The following KIAA1549 variants were observed in gnomAD, a reference collection of about 807,000 sequenced individuals.
The protein encoded by KIAA1549 is KIAA1549.
A neutral mutation model predicts 156.4 loss-of-function variants in KIAA1549; 70 were observed. The observed-to-expected ratio is 0.45, with a 90% confidence interval of 0.37 to 0.55. The LOEUF is 0.55. Ranked by LOEUF, KIAA1549 falls within the 20% of genes least tolerant of loss-of-function variation. The pLI is 0.00. For synonymous variants in KIAA1549, 1,103 were observed against 1,066.4 expected, an observed-to-expected ratio of 1.03 and a Z score of -0.67; for missense variants, 2,428 against 2,540.9, an observed-to-expected ratio of 0.96 and a Z score of 0.96.
Position 138,935,498 on chromosome 7 carries a change from C to T in KIAA1549, c.188-16060G>A, listed in dbSNP as rs116530496. 4.5e-3 allele frequency among the ~76,000 whole-genome samples: 686 copies of T among 152,152 alleles called. 2 individuals carry two copies. Among genetic ancestry groups the T allele is most frequent in the African/African-American group, 0.016 (644 of 41,460 alleles). ...ACAAAGGCAAAAAAATTTCTGTCAG[C>T]CATCTGTTTCTAAAATAATTTAATT... On this transcript the variant is annotated intron_variant, in intron 1 of 19. Coordinates refer to ENST00000422774, the MANE Select transcript of KIAA1549 (RefSeq NM_001164665.2).
intron 12 of KIAA1549, among the ~76,000 whole-genome samples, chr7:138,876,691 T>G (rs1045191419): frequency 1.3e-5 from 2 of 152,222 alleles, no homozygotes; most frequent in Admixed American, 1.3e-4. Context: ...ACTACAATTA[T>G]GCACAGACGC....
chr7:138,946,956 G>A (rs771809321), intron 1 of KIAA1549, among the ~76,000 whole-genome samples: 2 of 152,190 alleles, frequency 1.3e-5, no homozygotes, highest in Non-Finnish European at 2.9e-5. Flanking sequence ...AGGCTGATGG[G>A]AGCAGGTAAA....
chr7:138,882,008 C>T (rs1198333125), intron 10 of KIAA1549, among the ~76,000 whole-genome samples: 1 of 152,138 alleles, frequency 6.6e-6, no homozygotes, highest in Non-Finnish European at 1.5e-5. Context: ...GGGAAGAAAT[C>T]ACATTGGCTA....
intron 10 of KIAA1549, among the ~76,000 whole-genome samples, chr7:138,887,182 T>C (rs1302324782): frequency 1.3e-5 from 2 of 152,070 alleles, no homozygotes; most frequent in African/African-American, 4.8e-5. Context: ...AGTGCTGGCA[T>C]TACAGGCATG....
At chr7:138,861,952 T>G (rs1035835906) in intron 15 of KIAA1549, among the ~76,000 whole-genome samples, 1 of 152,086 alleles carries the variant, frequency 6.6e-6, no homozygotes, top group Non-Finnish European at 1.5e-5. Context: ...AGAAAAAAAC[T>G]GCCAAAATTC....
intron 15 of KIAA1549, 103 bp from the exon 16 acceptor site, chr7:138,861,559 A>T: frequency 4.0e-6 from 4 of 995,718 alleles, no homozygotes; most frequent in Non-Finnish European, 6.1e-6. Context: ...AGAATTAAAA[A>T]ATGACAGTTG....
intron 15 of KIAA1549, among the ~76,000 whole-genome samples, chr7:138,863,328 C>A (rs909990481): frequency 6.6e-6 from 1 of 151,816 alleles, no homozygotes; most frequent in South Asian, 2.1e-4. Context: ...AAGGGGCCAA[C>A]GAAGACATTC....
chr7:138,930,135 C>T (rs550307373), intron 1 of KIAA1549, among the ~76,000 whole-genome samples: 2 of 152,258 alleles, frequency 1.3e-5, no homozygotes, highest in South Asian at 4.1e-4. Context: ...TGTCAATGAG[C>T]AGTAATAGTT....
intron 1 of KIAA1549, among the ~76,000 whole-genome samples, chr7:138,971,713 ACTC>A (rs929927246): frequency 6.6e-6 from 1 of 152,084 alleles, no homozygotes; most frequent in African/African-American, 2.4e-5. Context: ...AGAGGGCAAA[ACTC>A]AGCCTCCAAA....
intron 5 of KIAA1549, among the ~76,000 whole-genome samples, 155 bp downstream of exon 5, chr7:138,908,836 C>T (rs994684622): frequency 1.3e-5 from 2 of 152,294 alleles, no homozygotes; most frequent in East Asian, 3.9e-4. Flanking sequence ...GCACGCTATG[C>T]CGACCTTACG....
At chr7:138,937,456 G>A (rs566471279) in intron 1 of KIAA1549, among the ~76,000 whole-genome samples, 1 of 152,304 alleles carries the variant, frequency 6.6e-6, no homozygotes, top group Admixed American at 6.5e-5. Context: ...TAAGTGCAGG[G>A]TGTGAAGTGT....
chr7:138,935,875 G>A (rs148671832), intron 1 of KIAA1549, among the ~76,000 whole-genome samples: 1 of 152,320 alleles, frequency 6.6e-6, no homozygotes, highest in Non-Finnish European at 1.5e-5. Flanking sequence ...CAGCAGCAAG[G>A]ACAAAGGCAC....
chr7:138,899,043 T>C lies in KIAA1549; in HGVS notation c.3759A>G (p.Ala1253=). The change falls in exon 9 of 20, where the codon GCA becomes GCG. Residue 1253 remains alanine, a synonymous_variant. Coordinates refer to ENST00000422774, the MANE Select transcript of KIAA1549 (RefSeq NM_001164665.2). ...VEDQDGERLS[A]VKSSDLINKM... ...TGTTAATCAGGTCCGAAGACTTGAC[T>C]GCACTGAGTCTTTCTCCATCTTGAT... The C allele has an allele frequency of 1.2e-6, 2 of 1,613,640 alleles. No homozygotes were observed. Among genetic ancestry groups the C allele is most frequent in the East Asian group, 2.2e-5 (1 of 44,878 alleles).
chr7:138,902,966 T>C (rs970904765), intron 8 of KIAA1549, among the ~76,000 whole-genome samples: 2 of 152,232 alleles, frequency 1.3e-5, no homozygotes, highest in African/African-American at 4.8e-5. Flanking sequence ...GGTTGAATTT[T>C]AGGTGATGTT....
At chr7:138,847,573 C>T (rs1047590462) in intron 17 of KIAA1549, among the ~76,000 whole-genome samples, 20 of 152,214 alleles carry the variant, frequency 1.3e-4, no homozygotes, top group African/African-American at 4.6e-4. Context: ...TTGTAATAAA[C>T]CAGTGTCCAC....
chr7:138,845,533 T>C (rs1238627000), intron 17 of KIAA1549, among the ~76,000 whole-genome samples: 1 of 152,226 alleles, frequency 6.6e-6, no homozygotes, highest in Non-Finnish European at 1.5e-5. Context: ...GAACTTTTCG[T>C]ACTCTGTTAC....
chr7:138,933,543 T>C (rs1034874519), intron 1 of KIAA1549, among the ~76,000 whole-genome samples: 1 of 152,220 alleles, frequency 6.6e-6, no homozygotes, highest in African/African-American at 2.4e-5. Context: ...ATTCATGGCA[T>C]TGAACAAATG....
chr7:138,928,173 G>A (rs909733525), intron 1 of KIAA1549, among the ~76,000 whole-genome samples: 14 of 151,334 alleles, frequency 9.3e-5, no homozygotes, highest in Admixed American at 5.3e-4. Flanking sequence ...CGCCTGCCTC[G>A]GCCTCCCAAA....
chr7:138,950,027 T>A (rs2130538227), intron 1 of KIAA1549, among the ~76,000 whole-genome samples: 1 of 152,324 alleles, frequency 6.6e-6, no homozygotes, highest in Admixed American at 6.5e-5. Flanking sequence ...GAGCTAACAC[T>A]TCGTGGTCTC....
Sources: gnomAD v4.1 joint callset for allele counts (sites outside exome capture counted in the v4.1 genomes callset) on GRCh38, gnomAD v4.1.1 for gene constraint, MANE v1.5 for transcripts, NCBI Gene and HGNC (gene_info 2026-07-23, HGNC 2026-07-21) for gene names.